The following HAT1 variants were observed in gnomAD, a reference collection of about 807,000 sequenced individuals.
The protein encoded by HAT1 is histone acetyltransferase 1.
In HAT1, 20 loss-of-function variants were observed where a neutral mutation model predicts 56.6. That is an observed-to-expected ratio of 0.35 (90% confidence interval 0.25 to 0.51). HAT1 has a LOEUF of 0.51. Ranked by LOEUF, HAT1 falls within the 20% of genes least tolerant of loss-of-function variation. The pLI is 0.95. For missense variants in HAT1, 408 were observed against 504.3 expected (o/e 0.81, Z 1.83); for synonymous variants, 146 against 165.5 (o/e 0.88, Z 0.91).
chr2:171,973,604 A>G (rs1687872010), intron 8 of HAT1, among the ~76,000 whole-genome samples: 1 of 152,166 alleles, frequency 6.6e-6, no homozygotes, highest in African/African-American at 2.4e-5. Context: ...TGGGTGAACA[A>G]GCATTACTGC....
intron 2 of HAT1, among the ~76,000 whole-genome samples, chr2:171,931,875 A>G (rs937749818): frequency 1.3e-5 from 2 of 152,216 alleles, no homozygotes; most frequent in African/African-American, 4.8e-5. Flanking sequence ...AATGGAAGTG[A>G]TAGAGTAGAC....
At chr2:171,954,069 A>G (rs1687382537) in intron 4 of HAT1, among the ~76,000 whole-genome samples, 1 of 152,242 alleles carries the variant, frequency 6.6e-6, no homozygotes, top group Admixed American at 6.5e-5. Context: ...CTGTCATTAC[A>G]GTTAATCCTG....
At chr2:171,940,060 G>A (rs1317128576) in intron 2 of HAT1, among the ~76,000 whole-genome samples, 1 of 152,090 alleles carries the variant, frequency 6.6e-6, no homozygotes, top group Admixed American at 6.6e-5. Flanking sequence ...ATGAACCACT[G>A]CGTCTGGCCA....
At chr2:171,946,054 T>G (rs1687155247) in intron 2 of HAT1, among the ~76,000 whole-genome samples, 1 of 152,206 alleles carries the variant, frequency 6.6e-6, no homozygotes, top group Admixed American at 6.5e-5. Flanking sequence ...TCCACCTGCC[T>G]TGGCCTCCCA....
At chr2:171,961,081 G>A (rs1687561205) in intron 4 of HAT1, among the ~76,000 whole-genome samples, 1 of 152,124 alleles carries the variant, frequency 6.6e-6, no homozygotes, top group Non-Finnish European at 1.5e-5. Flanking sequence ...AGTGGAGGTT[G>A]CAGGAAGCCG....
intron 3 of HAT1, among the ~76,000 whole-genome samples, chr2:171,948,769 G>T (rs1475706954): frequency 6.6e-6 from 1 of 152,078 alleles, no homozygotes; most frequent in African/African-American, 2.4e-5. Flanking sequence ...TAATTTGATT[G>T]GTTTATTTGT....
At chr2:171,957,610 A>G (rs368370444) in intron 4 of HAT1, among the ~76,000 whole-genome samples, 3 of 152,272 alleles carry the variant, frequency 2.0e-5, no homozygotes, top group East Asian at 3.9e-4. Flanking sequence ...TGAGACTTTT[A>G]GGAATGTTTG....
rs781749848 is a variant in HAT1, at chr2:171,966,451, C to T, written c.654C>T (p.Thr218=). 2.2e-5 allele frequency: 35 copies of T among 1,603,386 alleles called. No homozygotes were observed. The Admixed American group carries it at 3.2e-4, about 15-fold the overall frequency. ...YNKDGATLFA[T]VGYMTVYNYY... ...AGGATGGAGCTACGCTCTTTGCGAC[C>T]GTAGGCTACATGACAGTCTATAATT... Residue 218 remains threonine (T), a synonymous_variant, in exon 7 of 11, where the codon ACC becomes ACT. Transcript: ENST00000264108.
intron 4 of HAT1, among the ~76,000 whole-genome samples, chr2:171,962,004 T>G (rs531559239): frequency 6.6e-6 from 1 of 152,176 alleles, no homozygotes; most frequent in East Asian, 1.9e-4. Context: ...TGCCTTTAAT[T>G]TCAATCTCAA....
chr2:171,937,506 C>T (rs745641603), intron 2 of HAT1, among the ~76,000 whole-genome samples: 14 of 152,062 alleles, frequency 9.2e-5, no homozygotes, highest in Non-Finnish European at 1.6e-4. Context: ...GAAAGAAGGG[C>T]AGACCAAGGA....
intron 4 of HAT1, among the ~76,000 whole-genome samples, chr2:171,963,175 T>C (rs1003640494): frequency 1.5e-4 from 22 of 150,694 alleles, no homozygotes; most frequent in African/African-American, 5.3e-4. Flanking sequence ...GTATATTTTA[T>C]GTAAGTATAT....
At chr2:171,968,088 CATTTAT>C (rs962285484) in intron 8 of HAT1, among the ~76,000 whole-genome samples, 16 of 152,010 alleles carry the variant, frequency 1.1e-4, no homozygotes, top group African/African-American at 3.6e-4. Context: ...GGGAGTTTCA[CATTTAT>C]AGAGGTGAAT....
At chr2:171,929,978 A>T (rs1686698234) in intron 2 of HAT1, among the ~76,000 whole-genome samples, 1 of 152,234 alleles carries the variant, frequency 6.6e-6, no homozygotes, top group Non-Finnish European at 1.5e-5. Flanking sequence ...TCTTAAGATT[A>T]CATTGAATCT....
chr2:171,955,704 A>G (rs1454863055), intron 4 of HAT1, among the ~76,000 whole-genome samples: 1 of 152,162 alleles, frequency 6.6e-6, no homozygotes. Context: ...GAACACCTGT[A>G]TCATCTTAGA....
intron 2 of HAT1, among the ~76,000 whole-genome samples, chr2:171,936,311 A>C (rs1448674401): frequency 6.6e-6 from 1 of 152,216 alleles, no homozygotes; most frequent in Admixed American, 6.5e-5. Context: ...TTGTTCTAGC[A>C]GTATGAAGAC....
At chr2:171,941,461 A>G (rs1687016821) in intron 2 of HAT1, among the ~76,000 whole-genome samples, 1 of 152,034 alleles carries the variant, frequency 6.6e-6, no homozygotes. Flanking sequence ...TCTGCAAGCA[A>G]TTGATTTATT....
chr2:171,944,073 G>A (rs957734499), intron 2 of HAT1, among the ~76,000 whole-genome samples: 1 of 151,668 alleles, frequency 6.6e-6, no homozygotes, highest in Admixed American at 6.6e-5. Context: ...TTGAGCCCAG[G>A]ATTTCAAGGT....
intron 9 of HAT1, among the ~76,000 whole-genome samples, chr2:171,978,810 G>C (rs1005163092): frequency 3.9e-5 from 6 of 152,124 alleles, no homozygotes; most frequent in Admixed American, 3.9e-4. Context: ...ATGAAGGCTG[G>C]GGCAGTGGCT....
intron 2 of HAT1, among the ~76,000 whole-genome samples, chr2:171,935,060 G>A (rs1461784146): frequency 1.3e-5 from 2 of 151,444 alleles, no homozygotes; most frequent in African/African-American, 4.8e-5. Flanking sequence ...CTGGCCTAGA[G>A]TGGTTTTCTT....
Sources: allele counts gnomAD v4.1 joint callset (sites outside exome capture counted in the v4.1 genomes callset), GRCh38; gene constraint gnomAD v4.1.1; transcripts MANE v1.5; gene names NCBI Gene and HGNC (gene_info 2026-07-23, HGNC 2026-07-21).